The following CSMD1 variants were observed in gnomAD, a reference collection of about 807,000 sequenced individuals.
The protein encoded by CSMD1 is CUB and Sushi multiple domains 1, also known as CUB and sushi domain-containing protein 1.
In CSMD1, 213 loss-of-function variants were observed where a neutral mutation model predicts 417.5. The observed-to-expected ratio is 0.51, with a 90% CI of 0.46 to 0.57. The LOEUF (loss-of-function observed/expected upper bound fraction) is 0.57, where lower values mean the gene tolerates loss of function less well. Ranked by LOEUF, CSMD1 falls within the 20% of genes least tolerant of loss-of-function variation. CSMD1 has a pLI of 0.00. For synonymous variants in CSMD1, 2,862 were observed against 1,736.8 expected (o/e 1.65, Z -16.11); for missense variants, 6,923 against 4,529.7 (o/e 1.53, Z -15.17).
At chr8:3,795,066 A>ATCTATCATGTATAGCTATAGATACG (rs1799970913) in intron 5 of CSMD1, among the ~76,000 whole-genome samples, 4 of 81,720 alleles carry the variant, frequency 4.9e-5, no homozygotes, top group Non-Finnish European at 1.2e-4. Context: ...CTATAGATAT[A>ATCTATCATGTATAGCTATAGATACG]TATCTATCAT....
intron 36 of CSMD1, among the ~76,000 whole-genome samples, chr8:3,187,138 T>C (rs779637641): frequency 2.6e-5 from 4 of 152,242 alleles, no homozygotes; most frequent in Non-Finnish European, 5.9e-5. Flanking sequence ...AGGACAGTGA[T>C]GACCAGGGAG....
chr8:3,411,330 G>T lies in CSMD1; in HGVS notation c.1562-1725C>A, dbSNP rs73657845. ...GGGGCCAAGAGCAAATTCTTTGTGG[G>T]GTATTTTTTAGTAACCTAACTACTT... On this transcript the variant is annotated intron_variant, in intron 12 of 69. Coordinates refer to ENST00000635120, the MANE Select transcript of CSMD1 (RefSeq NM_033225.6). 5.4e-3 allele frequency among the ~76,000 whole-genome samples: 824 copies of T among 151,846 alleles called. 3 individuals are homozygous for T. The highest frequency in any genetic ancestry group is 0.019 in the African/African-American group (766 of 41,366).
intron 5 of CSMD1, among the ~76,000 whole-genome samples, chr8:3,927,266 G>A (rs112172177): frequency 0.049 from 7,446 of 151,886 alleles, 269 homozygotes; most frequent in Non-Finnish European, 0.053. Flanking sequence ...ATATATAGCA[G>A]ACATAAGCTA....
intron 3 of CSMD1, among the ~76,000 whole-genome samples, chr8:4,061,183 A>C (rs142499168): frequency 0.011 from 1,638 of 152,294 alleles, 108 homozygotes; most frequent in Admixed American, 0.097. Flanking sequence ...CCTCAGCTGC[A>C]GTTCTAACAT....
rs1445062595 is a variant in CSMD1 at position 3,795,873 on chromosome 8, GATAT to G, written c.819-41835_819-41832del. 1.6e-4 allele frequency among the ~76,000 whole-genome samples: 8 copies of G among 50,152 alleles called. 2 individuals carry two copies. In the East Asian group the frequency reaches 1.8e-3, roughly 11 times the overall value. The allele number at this position is 50,152 out of a possible 152,430, so 32.9% of individuals were successfully genotyped here. A position where few individuals can be genotyped will look rare whatever the true frequency, so the allele number is the denominator to read the frequency against. On this transcript the variant is annotated intron_variant, in intron 5 of 69. Transcript: ENST00000635120. Reference sequence around the variant, plus strand: ...TATATATCTATCATGTACAGATATAGATATATATCTATCATGTACAGATATATAT... The same window carrying G: ...TATATATCTATCATGTACAGATATAGATATCTATCATGTACAGATATATAT...
chr8:3,783,735 C>T (rs545729265), intron 5 of CSMD1, among the ~76,000 whole-genome samples: 33 of 152,322 alleles, frequency 2.2e-4, no homozygotes, highest in African/African-American at 7.7e-4. Context: ...ATTCTTACTC[C>T]TGCTATTCAG....
At chr8:4,864,893 CACAA>C (rs1278344280) in intron 1 of CSMD1, among the ~76,000 whole-genome samples, 4 of 149,782 alleles carry the variant, frequency 2.7e-5, no homozygotes, top group Non-Finnish European at 5.9e-5. Flanking sequence ...CACACACACA[CACAA>C]ACACACACAC....
chr8:4,370,183 A>C (rs548470202), intron 3 of CSMD1, among the ~76,000 whole-genome samples: 6 of 152,142 alleles, frequency 3.9e-5, no homozygotes, highest in East Asian at 1.9e-4. Context: ...AAAGAATTTC[A>C]TTTCTCCTTT....
intron 50 of CSMD1, among the ~76,000 whole-genome samples, chr8:3,036,998 C>G (rs1420785409): frequency 2.0e-5 from 3 of 152,108 alleles, no homozygotes; most frequent in Non-Finnish European, 1.5e-5. Context: ...CTTGAGTCCC[C>G]AGAGTCCACT....
In CSMD1 at chr8:4,428,106, A is replaced by C. The variant is rs117418707; in HGVS notation, c.303-8041T>G. Among the ~76,000 whole-genome samples, 739 of 152,330 alleles carry C rather than the reference A, an allele frequency of 4.9e-3. 52 individuals are homozygous for C. The East Asian group carries it at 0.13, about 27-fold the overall frequency. On this transcript the variant is annotated intron_variant, in intron 2 of 69. Transcript: ENST00000635120. ...AGACAATATCAAGAGTGAATGGGAT[A>C]CATCTCTGATGCCTGTTTTCCTCCT...
At chr8:4,546,493 A>G (rs1192855624) in intron 2 of CSMD1, among the ~76,000 whole-genome samples, 1 of 152,318 alleles carries the variant, frequency 6.6e-6, no homozygotes, top group East Asian at 1.9e-4. Flanking sequence ...ACAAAGAACA[A>G]AAGATAAACG....
intron 2 of CSMD1, among the ~76,000 whole-genome samples, chr8:4,563,806 G>T (rs1240408696): frequency 3.9e-5 from 6 of 152,086 alleles, no homozygotes; most frequent in African/African-American, 1.2e-4. Context: ...CCAATGTGTG[G>T]CCCTGTCCTC....
At chr8:4,457,744 T>A (rs1416122073) in intron 2 of CSMD1, among the ~76,000 whole-genome samples, 2 of 152,106 alleles carry the variant, frequency 1.3e-5, no homozygotes, top group African/African-American at 2.4e-5. Flanking sequence ...CTGTATGGGA[T>A]CCAGCAGCAT....
intron 5 of CSMD1, among the ~76,000 whole-genome samples, chr8:3,859,578 G>C (rs1412864247): frequency 6.6e-6 from 1 of 152,014 alleles, no homozygotes; most frequent in Non-Finnish European, 1.5e-5. Flanking sequence ...TGCGAAGTTG[G>C]GTCATGCCAG....
intron 5 of CSMD1, among the ~76,000 whole-genome samples, chr8:3,946,698 C>T (rs1811251226): frequency 1.3e-5 from 2 of 152,106 alleles, no homozygotes; most frequent in Non-Finnish European, 2.9e-5. Context: ...TAGTGTATCT[C>T]CCCTTTTCAT....
chr8:4,136,173 G>C (rs139569231), intron 3 of CSMD1, among the ~76,000 whole-genome samples: 1 of 152,106 alleles, frequency 6.6e-6, no homozygotes, highest in East Asian at 1.9e-4. Context: ...GAAAAGATAC[G>C]ATATACACAA....
intron 5 of CSMD1, among the ~76,000 whole-genome samples, chr8:3,930,024 C>T (rs754171699): frequency 6.7e-6 from 1 of 150,220 alleles, no homozygotes; most frequent in Non-Finnish European, 1.5e-5. Context: ...TCTTCTTACA[C>T]TGGTTTATAT....
chr8:4,070,614 C>T (rs1464651460), intron 3 of CSMD1, among the ~76,000 whole-genome samples: 1 of 152,226 alleles, frequency 6.6e-6, no homozygotes, highest in Non-Finnish European at 1.5e-5. Flanking sequence ...ACCTCGGCCT[C>T]CCAAAGTGCT....
chr8:4,777,936 T>C (rs980882601), intron 1 of CSMD1, among the ~76,000 whole-genome samples: 5 of 152,112 alleles, frequency 3.3e-5, no homozygotes, highest in Admixed American at 6.5e-5. Context: ...TATAATACGG[T>C]TGTAGTAGGG....
Sources: gnomAD v4.1 joint callset for allele counts (sites outside exome capture counted in the v4.1 genomes callset) on GRCh38, gnomAD v4.1.1 for gene constraint, MANE v1.5 for transcripts, NCBI Gene and HGNC (gene_info 2026-07-23, HGNC 2026-07-21) for gene names.